TMCC1: variants seen among roughly 807,000 people sequenced by gnomAD.
The protein encoded by TMCC1 is transmembrane and coiled-coil domains protein 1.
In TMCC1, 15 loss-of-function variants were observed where a neutral mutation model predicts 52.4. That is an observed-to-expected ratio of 0.29 (90% CI 0.19 to 0.44). The LOEUF is 0.44. TMCC1 is among the 20% of genes least tolerant of loss of function. The probability of loss-of-function intolerance (pLI) is 1.00; values close to 1 mark genes in which losing one functional copy is unlikely to be tolerated. For missense variants in TMCC1, 503 were observed against 806.0 expected, an observed-to-expected ratio of 0.62 and a Z score of 4.55; for synonymous variants, 279 against 301.9, an observed-to-expected ratio of 0.92 and a Z score of 0.79.
intron 4 of TMCC1, among the ~76,000 whole-genome samples, chr3:129,749,132 AAATAAT>A (rs1428606690): frequency 1.3e-5 from 2 of 151,732 alleles, no homozygotes; most frequent in Non-Finnish European, 2.9e-5. Flanking sequence ...CCACCAAAAA[AAATAAT>A]AATAATAATT....
chr3:129,819,905 T>C (rs531177893), intron 4 of TMCC1: 35 of 151,994 alleles, frequency 2.3e-4, no homozygotes, highest in African/African-American at 8.2e-4. Flanking sequence ...TAGTGAATTG[T>C]TGAAACCACA....
chr3:129,877,147 T>C (rs1413794865), intron 2 of TMCC1, among the ~76,000 whole-genome samples: 1 of 152,194 alleles, frequency 6.6e-6, no homozygotes, highest in African/African-American at 2.4e-5. Context: ...GTTTAGGAAA[T>C]GTTTTGCATT....
At chr3:129,655,693 T>C (rs529369038) in intron 5 of TMCC1, among the ~76,000 whole-genome samples, 148 of 152,318 alleles carry the variant, frequency 9.7e-4, no homozygotes, top group African/African-American at 3.3e-3. Flanking sequence ...ACTGGGAATA[T>C]TGTGGTAAGC....
At chr3:129,739,802 C>G (rs2051302335) in intron 4 of TMCC1, among the ~76,000 whole-genome samples, 1 of 152,170 alleles carries the variant, frequency 6.6e-6, no homozygotes, top group Admixed American at 6.5e-5. Context: ...CAAACAGGTT[C>G]AATGTCCTGT....
At chr3:129,871,326 C>T (rs190758837) in intron 2 of TMCC1, among the ~76,000 whole-genome samples, 36 of 146,200 alleles carry the variant, frequency 2.5e-4, no homozygotes, top group African/African-American at 8.7e-4. Context: ...GGCCACCGCA[C>T]TCCAAACTGG....
intron 4 of TMCC1, among the ~76,000 whole-genome samples, chr3:129,712,138 C>T (rs2048747657): frequency 6.6e-6 from 1 of 152,012 alleles, no homozygotes; most frequent in Admixed American, 6.6e-5. Flanking sequence ...GATCACACCA[C>T]TGCACTCCAG....
intron 2 of TMCC1, among the ~76,000 whole-genome samples, chr3:129,835,087 A>G (rs923291088): frequency 6.6e-6 from 1 of 152,124 alleles, no homozygotes; most frequent in African/African-American, 2.4e-5. Flanking sequence ...TACAACTATG[A>G]AATTTCAGTT....
chr3:129,658,239 C>T (rs2086797393), intron 5 of TMCC1, among the ~76,000 whole-genome samples: 1 of 152,162 alleles, frequency 6.6e-6, no homozygotes, highest in Non-Finnish European at 1.5e-5. Context: ...GAGCCCTAGG[C>T]AAAACTACAA....
chr3:129,709,211 C>T (rs114922394), intron 4 of TMCC1, among the ~76,000 whole-genome samples: 4,738 of 152,126 alleles, frequency 0.031, 222 homozygotes, highest in African/African-American at 0.11. Context: ...GCCTGCAATC[C>T]TAGCACTTTG....
At chr3:129,711,101 T>C (rs1254803416) in intron 4 of TMCC1, among the ~76,000 whole-genome samples, 1 of 152,142 alleles carries the variant, frequency 6.6e-6, no homozygotes, top group African/African-American at 2.4e-5. Context: ...TCACCTCAGG[T>C]GATCCGCCCG....
intron 4 of TMCC1, among the ~76,000 whole-genome samples, chr3:129,719,966 A>C (rs1419341714): frequency 6.6e-6 from 1 of 152,080 alleles, no homozygotes; most frequent in African/African-American, 2.4e-5. Context: ...GGATCACTTG[A>C]GCCCAGGAGT....
intron 4 of TMCC1, among the ~76,000 whole-genome samples, chr3:129,811,510 C>T (rs1358788719): frequency 6.6e-6 from 1 of 152,136 alleles, no homozygotes; most frequent in East Asian, 1.9e-4. Context: ...TCCAGTGATC[C>T]TCCCACATCA....
At chr3:129,780,310 C>A (rs143197204) in intron 4 of TMCC1, among the ~76,000 whole-genome samples, 35 of 152,156 alleles carry the variant, frequency 2.3e-4, no homozygotes, top group African/African-American at 7.9e-4. Flanking sequence ...GTAAAGTGAA[C>A]AGGTTAGATG....
chr3:129,745,382 T>G (rs1454453835), intron 4 of TMCC1, among the ~76,000 whole-genome samples: 1 of 152,230 alleles, frequency 6.6e-6, no homozygotes, highest in Admixed American at 6.5e-5. Flanking sequence ...AGTGCTAAAC[T>G]GAGCGCTTCA....
intron 4 of TMCC1, among the ~76,000 whole-genome samples, chr3:129,810,784 T>C (rs1206835866): frequency 1.3e-5 from 2 of 152,218 alleles, no homozygotes; most frequent in Admixed American, 1.3e-4. Flanking sequence ...AGGTAAATTG[T>C]TTCCTTCAGG....
intron 4 of TMCC1, among the ~76,000 whole-genome samples, chr3:129,738,640 G>GC (rs1455249299): frequency 1.3e-5 from 2 of 152,174 alleles, no homozygotes; most frequent in Admixed American, 1.3e-4. Context: ...GCTAGCTACT[G>GC]CAAGTGAACA....
intron 5 of TMCC1, among the ~76,000 whole-genome samples, chr3:129,667,030 T>A (rs1225543446): frequency 6.6e-6 from 1 of 151,558 alleles, no homozygotes; most frequent in African/African-American, 2.4e-5. Flanking sequence ...GCCTCCCCCG[T>A]AACTGGGACT....
intron 2 of TMCC1, among the ~76,000 whole-genome samples, chr3:129,879,131 G>T (rs1425727843): frequency 6.6e-6 from 1 of 152,058 alleles, no homozygotes; most frequent in Non-Finnish European, 1.5e-5. Flanking sequence ...ATTTAAAAAT[G>T]ACATTTATGC....
intron 5 of TMCC1, among the ~76,000 whole-genome samples, chr3:129,665,410 C>T (rs756609194): frequency 7.9e-5 from 12 of 152,082 alleles, no homozygotes; most frequent in East Asian, 1.9e-4. Flanking sequence ...ACACATTAAG[C>T]GAAGGACATT....
Sources: gnomAD v4.1 joint callset for allele counts (sites outside exome capture counted in the v4.1 genomes callset) on GRCh38, gnomAD v4.1.1 for gene constraint, MANE v1.5 for transcripts, NCBI Gene and HGNC (gene_info 2026-07-23, HGNC 2026-07-21) for gene names.